CELF2: variants seen among roughly 807,000 people sequenced by gnomAD.
The protein encoded by CELF2 is CUG triplet repeat RNA-binding protein 2.
In CELF2, 8 loss-of-function variants were observed where a neutral mutation model predicts 62.6. The observed-to-expected ratio is 0.13, with a 90% CI of 0.07 to 0.23. The LOEUF is 0.23. Among genes scored for constraint, CELF2 ranks in the 10% least tolerant of loss-of-function variants. The probability of loss-of-function intolerance (pLI) is 1.00; values close to 1 mark genes in which losing one functional copy is unlikely to be tolerated. For missense variants in CELF2, 333 were observed against 671.0 expected (o/e 0.50, Z 5.56); for synonymous variants, 258 against 250.0 (o/e 1.03, Z -0.30).
chr10:10,778,262 G>A, the CELF2 span, among the ~76,000 whole-genome samples: 2 of 152,124 alleles, frequency 1.3e-5, no homozygotes, highest in Non-Finnish European at 2.9e-5. Context: ...AACCTGGAGG[G>A]GCCAGATTGG....
At chr10:11,274,230 A>G (rs773321226) in intron 7 of CELF2, among the ~76,000 whole-genome samples, 6 of 152,218 alleles carry the variant, frequency 3.9e-5, no homozygotes, top group Non-Finnish European at 8.8e-5. Context: ...AAGAAGATCC[A>G]TAAGTTCAGC....
the CELF2 span, among the ~76,000 whole-genome samples, chr10:10,769,651 A>G: frequency 6.6e-6 from 1 of 152,032 alleles, no homozygotes; most frequent in Non-Finnish European, 1.5e-5. Flanking sequence ...GTAGTCCCAG[A>G]TACTCAGGGG....
chr10:11,127,329 T>C lies in CELF2; in HGVS notation c.75-38157T>C, dbSNP rs553678110. On this transcript the variant is annotated intron_variant, in intron 1 of 12. Coordinates refer to ENST00000633077, the MANE Select transcript of CELF2 (RefSeq NM_001326342.2). ...TTGGGTTGGTTCCAAGTTTTTGCTATTGTGAATAGTGCCCCAGTAAACATA... is the reference window on the plus strand; with the variant it reads ...TTGGGTTGGTTCCAAGTTTTTGCTACTGTGAATAGTGCCCCAGTAAACATA... 2.0e-5 allele frequency among the ~76,000 whole-genome samples: 3 copies of C among 152,328 alleles called. No homozygotes were observed. The South Asian group carries it at 6.2e-4, about 32-fold the overall frequency.
intron 3 of CELF2, among the ~76,000 whole-genome samples, chr10:11,245,934 A>T (rs1038845434): frequency 2.0e-5 from 3 of 152,208 alleles, no homozygotes; most frequent in African/African-American, 7.2e-5. Flanking sequence ...GAGTGGAGAT[A>T]TTAGAGTTGT....
intron 2 of CELF2, among the ~76,000 whole-genome samples, chr10:11,193,640 C>T (rs1691025710): frequency 2.0e-5 from 3 of 152,186 alleles, no homozygotes; most frequent in Admixed American, 6.5e-5. Context: ...CTTAAACCCA[C>T]CTAGGGGCCG....
At chr10:10,629,864 AAAAAAAAAAAAAG>A in the CELF2 span, among the ~76,000 whole-genome samples, 5 of 113,768 alleles carry the variant, frequency 4.4e-5, no homozygotes, top group Non-Finnish European at 9.4e-5. Context: ...TGAAGACCAA[AAAAAAAAAAAAAG>A]AAAAAAAAAA....
At chr10:10,963,468 G>A (rs530471272) in intron 2 of CELF2, among the ~76,000 whole-genome samples, 6 of 152,236 alleles carry the variant, frequency 3.9e-5, no homozygotes, top group South Asian at 4.1e-4. Flanking sequence ...CACCACTGAC[G>A]GTTAGAGCTT....
At chr10:10,599,918 A>G in the CELF2 span, among the ~76,000 whole-genome samples, 2 of 151,630 alleles carry the variant, frequency 1.3e-5, no homozygotes. Flanking sequence ...TTTTTAGTAG[A>G]GATGGGGTTT....
At chr10:10,966,595 G>A (rs2050146888) in intron 2 of CELF2, 1 of 152,206 alleles carries the variant, frequency 6.6e-6, no homozygotes, top group Admixed American at 6.5e-5. Context: ...TAAAGATGGT[G>A]CTTGGGACAC....
chr10:10,761,470 G>T, the CELF2 span, among the ~76,000 whole-genome samples: 2 of 152,156 alleles, frequency 1.3e-5, no homozygotes, highest in East Asian at 1.9e-4. Context: ...TGGGCCACAG[G>T]GTACCCAGAT....
Position 11,316,857 on chromosome 10 carries a change from C to T in CELF2, c.1096+2599C>T, listed in dbSNP as rs1214032686. On this transcript the variant is annotated intron_variant, in intron 10 of 12. Coordinates refer to ENST00000633077, the MANE Select transcript of CELF2 (RefSeq NM_001326342.2). The surrounding 1 kb of genome is among the most constrained non-coding windows in gnomAD (Gnocchi z 4.4). ...GTTTGAGTTTGATATCCTTTTTATTCCCTGATACATTAATGAGTCAAAGGG... is the reference window on the plus strand; with the variant it reads ...GTTTGAGTTTGATATCCTTTTTATTTCCTGATACATTAATGAGTCAAAGGG... 6.6e-6 allele frequency: 1 copy of T among 152,142 alleles called. No individual in the cohort carries two copies. Among genetic ancestry groups the T allele is most frequent in the African/African-American group, 2.4e-5 (1 of 41,426 alleles). 9.4% of individuals were successfully genotyped at this position (152,142 alleles called of 1,614,324 possible). A position where few individuals can be genotyped will look rare whatever the true frequency, so the allele number is the denominator to read the frequency against.
At chr10:11,215,743 T>C (rs2063186241) in intron 2 of CELF2, among the ~76,000 whole-genome samples, 1 of 152,220 alleles carries the variant, frequency 6.6e-6, no homozygotes, top group Non-Finnish European at 1.5e-5. Flanking sequence ...GTAAGGCTTG[T>C]CCTGTTTTTC....
At chr10:10,625,307 G>A in the CELF2 span, among the ~76,000 whole-genome samples, 2 of 152,104 alleles carry the variant, frequency 1.3e-5, no homozygotes, top group South Asian at 2.1e-4. Context: ...CCACAAGAAC[G>A]GCAACAGCAA....
the CELF2 span, among the ~76,000 whole-genome samples, chr10:10,641,521 A>G: frequency 1.3e-5 from 2 of 151,876 alleles, no homozygotes; most frequent in Non-Finnish European, 2.9e-5. Context: ...GCTCACTGCA[A>G]TTTCTGCCTC....
intron 1 of CELF2, among the ~76,000 whole-genome samples, chr10:11,091,522 AT>A (rs934792026): frequency 3.3e-5 from 5 of 152,136 alleles, no homozygotes; most frequent in Non-Finnish European, 7.4e-5. Context: ...GCCTTTCCTC[AT>A]TTTTTAAAGA....
rs11256876 is a variant in CELF2, at chr10:10,858,710, A to G, written c.53+59893A>G. ...TGATAATAAATTGTTGAATGAATGA[A>G]AGTATGTTGTTGAATGAATGAAAGT... On this transcript the variant is annotated intron_variant, in intron 1 of 13. Coordinates refer to the CELF2 transcript ENST00000636488. Among the ~76,000 whole-genome samples, 549 of 152,276 alleles carry G rather than the reference A, an allele frequency of 3.6e-3. 31 individuals are homozygous for G. In the East Asian group the frequency reaches 0.082, roughly 23 times the overall value.
In CELF2 at chr10:11,178,912, T is replaced by G. The variant is rs763055467; in HGVS notation, c.271+13230T>G. On this transcript the variant is annotated intron_variant, in intron 2 of 12. Transcript: ENST00000633077. The surrounding 1 kb of genome is among the most constrained non-coding windows in gnomAD (Gnocchi z 4.3). ...ACATGTTTGCGATGAAAATGCTGTA[T>G]TTTTAGAACACTTCAAAGTCAGGAA... Among the ~76,000 whole-genome samples, 1 of 152,226 alleles carries G rather than the reference T, an allele frequency of 6.6e-6. No homozygotes were observed. The highest frequency in any genetic ancestry group is 1.5e-5 in the Non-Finnish European group (1 of 68,044).
chr10:10,590,218 G>C, the CELF2 span, among the ~76,000 whole-genome samples: 1 of 152,194 alleles, frequency 6.6e-6, no homozygotes, highest in African/African-American at 2.4e-5. Context: ...TGCAGAGATG[G>C]GAAGAAACAT....
the CELF2 span, among the ~76,000 whole-genome samples, chr10:10,663,047 T>C: frequency 2.0e-5 from 3 of 152,342 alleles, no homozygotes; most frequent in South Asian, 2.1e-4. Flanking sequence ...AGAGCTGTTA[T>C]TGCAAACTCA....
Sources: gnomAD v4.1 joint callset for allele counts (sites outside exome capture counted in the v4.1 genomes callset) on GRCh38, gnomAD v4.1.1 for gene constraint, Gnocchi (gnomAD v3.1) non-coding constraint, MANE v1.5 for transcripts, NCBI Gene and HGNC (gene_info 2026-07-23, HGNC 2026-07-21) for gene names.